Variants in NCKAP5L observed in about 807,000 individuals in gnomAD.
The protein encoded by NCKAP5L is nck-associated protein 5-like.
NCKAP5L carries 54 observed loss-of-function variants against 103.2 expected under a neutral mutation model. The ratio of observed to expected loss-of-function variants is 0.52; its 90% confidence interval spans 0.42 to 0.66. The LOEUF (loss-of-function observed/expected upper bound fraction) is 0.66. NCKAP5L is among the 30% of genes least tolerant of loss of function. The pLI, the probability that NCKAP5L is intolerant of heterozygous loss-of-function variation, is 0.00. For missense variants in NCKAP5L, 1,733 were observed against 1,750.6 expected (o/e 0.99, Z 0.18); for synonymous variants, 762 against 748.6 (o/e 1.02, Z -0.29).
intron 1 of NCKAP5L, among the ~76,000 whole-genome samples, chr12:49,816,273 C>A (rs1406848576): frequency 6.6e-6 from 1 of 152,102 alleles, no homozygotes; most frequent in Non-Finnish European, 1.5e-5. Context: ...CCCTGAGCCA[C>A]CCTGCCCCCT....
intron 1 of NCKAP5L, among the ~76,000 whole-genome samples, chr12:49,819,294 G>A (rs1032500480): frequency 2.0e-5 from 3 of 147,818 alleles, no homozygotes; most frequent in South Asian, 4.4e-4. Context: ...CCTGGGCAAC[G>A]GTGCAAGACT....
At chr12:49,811,556 T>C (rs1483700741) in intron 1 of NCKAP5L, among the ~76,000 whole-genome samples, 1 of 152,096 alleles carries the variant, frequency 6.6e-6, no homozygotes, top group Non-Finnish European at 1.5e-5. Context: ...CTTCAGTATC[T>C]ACCTCCTGAA....
chr12:49,791,746 G>A lies in NCKAP5L; in HGVS notation c.*93C>T, dbSNP rs1026659359. The A allele has an allele frequency of 8.3e-7, 1 of 1,201,028 alleles. No individual in the cohort carries two copies. Among genetic ancestry groups the A allele is most frequent in the Non-Finnish European group, 1.1e-6 (1 of 876,028 alleles). The allele number at this position is 1,201,028 out of a possible 1,614,324, so 74.4% of individuals were successfully genotyped here. On this transcript the variant is annotated 3_prime_UTR_variant, in exon 13 of 13. Transcript: ENST00000335999. ...CCACCTGCCTCCTTGGTCCCTTCAGGGAGGGGTCCCCGTCTCCGGGGGCTG... is the reference window on the plus strand; with the variant it reads ...CCACCTGCCTCCTTGGTCCCTTCAGAGAGGGGTCCCCGTCTCCGGGGGCTG...
intron 8 of NCKAP5L, 114 bp from the exon 9 acceptor site, chr12:49,794,010 G>A (rs558703461): frequency 2.9e-5 from 29 of 995,154 alleles, no homozygotes; most frequent in African/African-American, 2.3e-4. Context: ...ATCCACCCCC[G>A]GGGAAGGGGA....
rs577548554 is a variant in NCKAP5L at position 49,796,892 on chromosome 12, C to T, written c.968G>A (p.Arg323His). The change falls in exon 8 of 13, where the codon CGC becomes CAC. Residue 323 changes from arginine to histidine, a missense_variant. Transcript: ENST00000335999. ...GAGCTGGCCCAGGTTCAACTGTCTG[C>T]GGGCCAGGGCACCGAGCAGGGTGTC... ...SPDTLLGALA[R>H]RQLNLGQLLE... 80 of 1,611,146 alleles carry T rather than the reference C, an allele frequency of 5.0e-5. No homozygotes were observed. The highest frequency in any genetic ancestry group is 3.6e-4 in the South Asian group (33 of 90,798).
chr12:49,800,369 G>A (rs139901514), intron 6 of NCKAP5L, among the ~76,000 whole-genome samples: 1 of 152,224 alleles, frequency 6.6e-6, no homozygotes, highest in African/African-American at 2.4e-5. Context: ...CTGGGCTCCT[G>A]TTGGCCTGCA....
chr12:49,803,790 C>T (rs1946148416), intron 3 of NCKAP5L, 132 bp downstream of exon 3: 4 of 1,232,668 alleles, frequency 3.2e-6, no homozygotes, highest in South Asian at 1.5e-5. Flanking sequence ...TGCTAGCCTC[C>T]TGCCTGGCAA....
At position 49,792,009 on chromosome 12, in the gene NCKAP5L, G is replaced by A; in HGVS notation, c.3835C>T (p.Pro1279Ser). The A allele has an allele frequency of 1.9e-6, 3 of 1,575,540 alleles. No individual in the cohort carries two copies. Among genetic ancestry groups the A allele is most frequent in the Non-Finnish European group, 2.6e-6 (3 of 1,161,660 alleles). ...GGTGGGCCCTGGGGCGTAGGGGACGGGCGGCTGGGCTCCTGGCTTCGCTTC... is the reference window on the plus strand; with the variant it reads ...GGTGGGCCCTGGGGCGTAGGGGACGAGCGGCTGGGCTCCTGGCTTCGCTTC... ...DRKRSQEPSR[P>S]SPTPQGPPFG... Residue 1279 changes from proline to serine, a missense_variant, in exon 13 of 13, where the codon CCG (proline) becomes TCG (serine). Physicochemically the swap from Pro to Ser is moderately conservative, Grantham distance 74. Transcript: ENST00000335999. The surrounding 1 kb of genome is among the most constrained non-coding windows in gnomAD (Gnocchi z 4.5).
chr12:49,798,525 C>A lies in NCKAP5L; in HGVS notation c.352-62G>T, dbSNP rs374821774. 19 of 1,355,098 alleles carry A rather than the reference C, an allele frequency of 1.4e-5. 1 individual carries two copies. In the South Asian group the frequency reaches 2.3e-4, roughly 16 times the overall value. 83.9% of individuals were successfully genotyped at this position (1,355,098 alleles called of 1,614,324 possible). ...CTGACCCCAGCTCCCTACTCCCTCG[C>A]AAAGCCAGGCCTTCCCCTCTGAGTC... is the stretch of plus-strand genomic sequence containing the variant. On this transcript the variant is annotated intron_variant, in intron 6 of 12. Transcript: ENST00000335999.
chr12:49,823,722 C>T (rs539289448), intron 1 of NCKAP5L, among the ~76,000 whole-genome samples: 2 of 152,150 alleles, frequency 1.3e-5, no homozygotes, highest in East Asian at 3.9e-4. Flanking sequence ...AGTGCTGTGC[C>T]TGACTGGGCT....
In NCKAP5L at chr12:49,791,480, G is replaced by A. The variant is rs771028563; in HGVS notation, c.*359C>T. ...TCGGGGCAGAGGAGCAGCCGGGTTG[G>A]GCAGAGATGGCACGGCTGGTGGGCA... On this transcript the variant is annotated 3_prime_UTR_variant, in exon 13 of 13. Coordinates refer to ENST00000335999, the MANE Select transcript of NCKAP5L (RefSeq NM_001037806.4). 3.2e-5 allele frequency: 6 copies of A among 185,426 alleles called. No homozygotes were observed. Among genetic ancestry groups the A allele is most frequent in the Non-Finnish European group, 5.5e-5 (5 of 90,526 alleles). 11.5% of individuals were successfully genotyped at this position (185,426 alleles called of 1,614,324 possible).
Position 49,794,835 on chromosome 12 carries a change from C to T in NCKAP5L, c.3025G>A (p.Gly1009Arg), listed in dbSNP as rs1178707582. The T allele has an allele frequency of 2.6e-6, 4 of 1,536,542 alleles. No individual in the cohort carries two copies. The highest frequency in any genetic ancestry group is 3.5e-6 in the Non-Finnish European group (4 of 1,142,494). ...GPAPGPNTGL[G>R]QVQGQLAGMY... ...CCAGCCAGCTGGCCCTGCACCTGCC[C>T]CAGCCCCGTGTTGGGCCCTGGGGCT... is the stretch of plus-strand genomic sequence containing the variant. Residue 1009 changes from glycine (G) to arginine (R), a missense_variant, in exon 8 of 13, where the codon GGG becomes AGG. Gly to Arg is a moderately radical substitution (Grantham distance 125, BLOSUM62 -2). Transcript: ENST00000335999.
At position 49,798,392 on chromosome 12, in the gene NCKAP5L, C is replaced by G; in HGVS notation, c.423G>C (p.Pro141=). 2 of 1,573,794 alleles carry G rather than the reference C, an allele frequency of 1.3e-6. No homozygotes were observed. Among genetic ancestry groups the G allele is most frequent in the African/African-American group, 1.3e-5 (1 of 74,324 alleles). The change falls in exon 7 of 13, where the codon CCG becomes CCC. Residue 141 remains proline (P), a synonymous_variant. Transcript: ENST00000335999. ...ASPSLSSTEG[P]AAPLPLGHCA... is the part of the protein sequence containing the mutation. ...AGTGCCCCAGAGGCAGCGGGGCAGC[C>G]GGTCCCTCAGTGGAGCTCAGGGAGG...
At chr12:49,804,967 A>G (rs558895705) in intron 2 of NCKAP5L, 2 of 152,400 alleles carry the variant, frequency 1.3e-5, no homozygotes, top group Non-Finnish European at 2.9e-5. Flanking sequence ...ACAAAGTGGG[A>G]AGTGCCCTGC....
chr12:49,825,676 G>T (rs1020225424), intron 1 of NCKAP5L, among the ~76,000 whole-genome samples: 7 of 152,138 alleles, frequency 4.6e-5, no homozygotes, highest in Admixed American at 4.6e-4. Flanking sequence ...GGTAAGGAAG[G>T]CTTCCTTGGG....
Position 49,804,017 on chromosome 12 carries a change from CA to C in NCKAP5L, c.27del (p.Gly11ValfsTer64). The C allele has an allele frequency of 6.2e-7, 1 of 1,611,938 alleles. No homozygotes were observed. Among genetic ancestry groups the C allele is most frequent in the Non-Finnish European group, 8.5e-7 (1 of 1,179,948 alleles). On this transcript the variant is annotated frameshift_variant, in exon 3 of 13. Transcript: ENST00000335999. LOFTEE classifies it high-confidence loss of function. MSEAMDQPAGGPGNPRPGE... is the reference protein window; with the variant it reads MSEAMDQPXGGPGNPRPGE... The stretch of plus-strand genomic sequence containing the variant: ...CCTGGCCTTGGGTTTCCAGGACCCC[CA>C]GCTGGCTGGTCCATGGCCTCTGACA...
At chr12:49,815,482 T>C (rs935417245) in intron 1 of NCKAP5L, among the ~76,000 whole-genome samples, 7 of 152,224 alleles carry the variant, frequency 4.6e-5, no homozygotes, top group African/African-American at 7.2e-5. Context: ...CCATTGGCCA[T>C]TGAGAATCTT....
chr12:49,792,158 C>T lies in NCKAP5L; in HGVS notation c.3793-107G>A, dbSNP rs935122827. 1 of 1,113,262 alleles carries T rather than the reference C, an allele frequency of 9.0e-7. No individual in the cohort carries two copies. The highest frequency in any genetic ancestry group is 2.3e-5 in the Admixed American group (1 of 44,264). The allele number at this position is 1,113,262 out of a possible 1,614,324, so 69.0% of individuals were successfully genotyped here. ...TCTGTGCACCTGATGGGGGGCTGCT[C>T]CAGAGGGGGCCCAAGGTGGGGTATA... On this transcript the variant is annotated intron_variant, in intron 12 of 12. Coordinates refer to ENST00000335999, the MANE Select transcript of NCKAP5L (RefSeq NM_001037806.4). The surrounding 1 kb of genome is among the most constrained non-coding windows in gnomAD (Gnocchi z 4.5).
rs910229269 is a variant in NCKAP5L at position 49,795,072 on chromosome 12, C to A, written c.2788G>T (p.Ala930Ser). 3.1e-6 allele frequency: 5 copies of A among 1,611,930 alleles called. No homozygotes were observed. The highest frequency in any genetic ancestry group is 2.7e-5 in the African/African-American group (2 of 74,918). Residue 930 changes from alanine (A) to serine (S), a missense_variant, in exon 8 of 13, where the codon GCG (alanine) becomes TCG (serine). Ala to Ser is a moderately conservative substitution (Grantham distance 99). Coordinates refer to ENST00000335999, the MANE Select transcript of NCKAP5L (RefSeq NM_001037806.4). ...WFGLKKSKLP[A>S]LNRRTEATKN... ...GTGGCCTCTGTGCGGCGGTTCAGCG[C>A]TGGCAGCTTGCTCTTCTTAAGGCCG...
Sources: allele counts gnomAD v4.1 joint callset (sites outside exome capture counted in the v4.1 genomes callset), GRCh38; gene constraint gnomAD v4.1.1; non-coding constraint Gnocchi (gnomAD v3.1); transcripts MANE v1.5; gene names NCBI Gene and HGNC (gene_info 2026-07-23, HGNC 2026-07-21).